Variants in ZNF521 observed in about 807,000 individuals in gnomAD.
ZNF521 encodes the protein LYST-interacting protein 3.
A neutral mutation model predicts 105.5 loss-of-function variants in ZNF521; 14 were observed. That is an observed-to-expected ratio of 0.13 (90% CI 0.09 to 0.21). The LOEUF is 0.21. ZNF521 is among the 10% of genes least tolerant of loss of function. The pLI, the probability that ZNF521 is intolerant of heterozygous loss-of-function variation, is 1.00. For missense variants in ZNF521, 1,233 were observed against 1,629.7 expected (o/e 0.76, Z 4.19); for synonymous variants, 635 against 606.0 (o/e 1.05, Z -0.70).
At chr18:25,265,253 T>C (rs1205585361) in intron 3 of ZNF521, among the ~76,000 whole-genome samples, 2 of 152,220 alleles carry the variant, frequency 1.3e-5, no homozygotes, top group Non-Finnish European at 2.9e-5. Context: ...GTGTTGACTG[T>C]TGGGAACAAC....
chr18:25,213,150 TATA>T (rs1359767714), intron 4 of ZNF521, among the ~76,000 whole-genome samples: 1 of 148,214 alleles, frequency 6.7e-6, no homozygotes, highest in East Asian at 2.0e-4. Flanking sequence ...ACATTGTCAG[TATA>T]ATAATATAGT....
intron 4 of ZNF521, among the ~76,000 whole-genome samples, chr18:25,217,689 C>T (rs2144706283): frequency 6.6e-6 from 1 of 152,286 alleles, no homozygotes; most frequent in African/African-American, 2.4e-5. Context: ...CTAATATGGG[C>T]CTGGCACTGT....
intron 5 of ZNF521, among the ~76,000 whole-genome samples, chr18:25,174,778 A>G (rs1263907569): frequency 6.6e-6 from 1 of 152,126 alleles, no homozygotes; most frequent in East Asian, 1.9e-4. Flanking sequence ...CCCCCATGCA[A>G]ATTTAAATCC....
chr18:25,263,615 G>A (rs558679355), intron 3 of ZNF521, among the ~76,000 whole-genome samples: 8 of 152,174 alleles, frequency 5.3e-5, no homozygotes, highest in East Asian at 1.9e-4. Context: ...TCGCTCTGTC[G>A]CCCAGGCTGG....
intron 3 of ZNF521, among the ~76,000 whole-genome samples, chr18:25,304,412 A>G (rs897323836): frequency 6.6e-6 from 1 of 152,224 alleles, no homozygotes; most frequent in Non-Finnish European, 1.5e-5. Flanking sequence ...AATGTGAAAC[A>G]GATTTTTATT....
intron 5 of ZNF521, among the ~76,000 whole-genome samples, chr18:25,138,265 G>T (rs1208645503): frequency 6.6e-6 from 1 of 152,134 alleles, no homozygotes; most frequent in Admixed American, 6.6e-5. Context: ...GGGTGTCAAA[G>T]ACCTCAACAT....
chr18:25,252,054 G>A (rs13381477), intron 3 of ZNF521, among the ~76,000 whole-genome samples: 35,123 of 152,014 alleles, frequency 0.23, 4,427 homozygotes, highest in East Asian at 0.35. Flanking sequence ...AACAGGACAG[G>A]GAAGTAATAA....
At chr18:25,235,139 C>T (rs192581335) in intron 3 of ZNF521, among the ~76,000 whole-genome samples, 1 of 152,150 alleles carries the variant, frequency 6.6e-6, no homozygotes. Flanking sequence ...AACGAAAGGG[C>T]CTGCATTCAA....
intron 5 of ZNF521, among the ~76,000 whole-genome samples, chr18:25,146,112 T>C (rs2034938454): frequency 6.6e-6 from 1 of 152,178 alleles, no homozygotes; most frequent in African/African-American, 2.4e-5. Context: ...GGAGACTGAG[T>C]CTTTGCAAGG....
intron 7 of ZNF521, among the ~76,000 whole-genome samples, chr18:25,089,009 A>G (rs571828145): frequency 6.6e-6 from 1 of 152,354 alleles, no homozygotes; most frequent in Admixed American, 6.5e-5. Context: ...CATTAAATGG[A>G]AGATATACAT....
chr18:25,217,544 G>C, intron 4 of ZNF521, among the ~76,000 whole-genome samples: 2 of 152,244 alleles, frequency 1.3e-5, no homozygotes, highest in South Asian at 4.1e-4. Context: ...GTATACATAC[G>C]ACATTTCAGA....
intron 5 of ZNF521, among the ~76,000 whole-genome samples, chr18:25,154,625 C>T (rs1441740498): frequency 6.6e-6 from 1 of 152,052 alleles, no homozygotes; most frequent in Admixed American, 6.5e-5. Flanking sequence ...ATAAAATCAC[C>T]TATAAGTAAC....
intron 7 of ZNF521, among the ~76,000 whole-genome samples, chr18:25,077,950 AC>A: frequency 6.6e-6 from 1 of 152,262 alleles, no homozygotes; most frequent in East Asian, 1.9e-4. Flanking sequence ...GAAAAAAAAA[AC>A]ATTTACTCTG....
At chr18:25,261,659 G>A (rs1908917913) in intron 3 of ZNF521, among the ~76,000 whole-genome samples, 1 of 149,978 alleles carries the variant, frequency 6.7e-6, no homozygotes. Context: ...CTGTGTATAT[G>A]CTTTTTTTTT....
chr18:25,241,144 A>AC (rs1473528907), intron 3 of ZNF521, among the ~76,000 whole-genome samples: 1 of 151,974 alleles, frequency 6.6e-6, no homozygotes, highest in African/African-American at 2.4e-5. Context: ...ATTAGTGATA[A>AC]CCCCATACTT....
intron 7 of ZNF521, 151 bp downstream of exon 7, chr18:25,089,314 C>G (rs1214102425): frequency 1.6e-6 from 1 of 618,082 alleles, no homozygotes; most frequent in Non-Finnish European, 2.8e-6. Flanking sequence ...GTCTATTAAT[C>G]CAGGCTCTAA....
At chr18:25,283,621 GAAT>G (rs1169431297) in intron 3 of ZNF521, among the ~76,000 whole-genome samples, 2 of 152,110 alleles carry the variant, frequency 1.3e-5, no homozygotes, top group East Asian at 1.9e-4. Flanking sequence ...AAAAATCCAA[GAAT>G]ATTATTCAAT....
intron 2 of ZNF521, among the ~76,000 whole-genome samples, chr18:25,344,195 G>GT (rs958921233): frequency 9.2e-6 from 1 of 108,706 alleles, no homozygotes; most frequent in Non-Finnish European, 1.9e-5. Flanking sequence ...TAAAATTAAA[G>GT]TTTTTTATTA....
At chr18:25,332,497 A>T (rs1913633388) in intron 2 of ZNF521, among the ~76,000 whole-genome samples, 1 of 152,098 alleles carries the variant, frequency 6.6e-6, no homozygotes, top group Non-Finnish European at 1.5e-5. Context: ...TAAATGTCGA[A>T]GGTTCCTTCA....
Sources: gnomAD v4.1 joint callset for allele counts (sites outside exome capture counted in the v4.1 genomes callset) on GRCh38, gnomAD v4.1.1 for gene constraint, MANE v1.5 for transcripts, NCBI Gene and HGNC (gene_info 2026-07-23, HGNC 2026-07-21) for gene names.